CDH12: variants seen among roughly 807,000 people sequenced by gnomAD.
CDH12 encodes the protein cadherin 12, also known as cadherin-12.
A neutral mutation model predicts 74.1 loss-of-function variants in CDH12; 41 were observed. The ratio of observed to expected loss-of-function variants is 0.55; its 90% CI spans 0.43 to 0.72. The LOEUF (loss-of-function observed/expected upper bound fraction) is 0.72, where lower values mean the gene tolerates loss of function less well. CDH12 is among the 30% of genes least tolerant of loss of function. The pLI is 0.00. For missense variants in CDH12, 945 were observed against 977.2 expected, an observed-to-expected ratio of 0.97 and a Z score of 0.44; for synonymous variants, 399 against 355.0, an observed-to-expected ratio of 1.12 and a Z score of -1.39.
chr5:22,604,000 A>G (rs558949956), intron 1 of CDH12, among the ~76,000 whole-genome samples: 14 of 152,346 alleles, frequency 9.2e-5, no homozygotes, highest in Non-Finnish European at 2.1e-4. Flanking sequence ...AGTGGGCGAC[A>G]GCCAAGGGAA....
At chr5:22,838,588 G>A (rs1295469240) in intron 1 of CDH12, among the ~76,000 whole-genome samples, 3 of 151,836 alleles carry the variant, frequency 2.0e-5, no homozygotes, top group African/African-American at 4.8e-5. Flanking sequence ...TCCATTAAAG[G>A]CAGGCAAAGG....
At chr5:21,794,893 G>C (rs1220430950) in intron 10 of CDH12, among the ~76,000 whole-genome samples, 1 of 150,952 alleles carries the variant, frequency 6.6e-6, no homozygotes, top group Non-Finnish European at 1.5e-5. Flanking sequence ...ACTCTAATCA[G>C]CTTTTCTCAT....
chr5:22,568,519 G>T (rs1165503685), intron 1 of CDH12, among the ~76,000 whole-genome samples: 2 of 152,104 alleles, frequency 1.3e-5, no homozygotes. Context: ...AAACACATCT[G>T]CACCCAAATT....
intron 10 of CDH12, among the ~76,000 whole-genome samples, chr5:21,784,371 GAGAA>G (rs1561182101): frequency 6.6e-6 from 1 of 151,850 alleles, no homozygotes; most frequent in African/African-American, 2.4e-5. Flanking sequence ...CTTACACATT[GAGAA>G]TAAAAAATGT....
chr5:22,727,010 A>G lies in CDH12; in HGVS notation c.-523+126048T>C, dbSNP rs566798257. On this transcript the variant is annotated intron_variant, in intron 1 of 14. Coordinates refer to ENST00000382254, the MANE Select transcript of CDH12 (RefSeq NM_004061.5). ...AAGGCATTTTTCAGATACTATTTAAACAATTATTACAATCAGATGAAATGA... is the reference window on the plus strand; with the variant it reads ...AAGGCATTTTTCAGATACTATTTAAGCAATTATTACAATCAGATGAAATGA... 7.9e-5 allele frequency among the ~76,000 whole-genome samples: 12 copies of G among 151,944 alleles called. No homozygotes were observed. In the East Asian group the frequency reaches 2.3e-3, roughly 29 times the overall value.
intron 1 of CDH12, among the ~76,000 whole-genome samples, chr5:22,773,741 G>T (rs1212281924): frequency 6.6e-6 from 1 of 151,928 alleles, no homozygotes; most frequent in Non-Finnish European, 1.5e-5. Context: ...TGAAAACTGT[G>T]CACACAACAA....
In CDH12 at chr5:22,607,909, A is replaced by G. The variant is rs1169351947; in HGVS notation, c.-522-102545T>C. ...AATTGGGGTTTGAAAACCTTCACCT[A>G]GATTTCAGTGGATGTATGGGAACAC... On this transcript the variant is annotated intron_variant, in intron 1 of 14. Transcript: ENST00000382254. Among the ~76,000 whole-genome samples, 3 of 152,228 alleles carry G rather than the reference A, an allele frequency of 2.0e-5. No individual in the cohort carries two copies. The East Asian group carries it at 5.8e-4, about 29-fold the overall frequency.
chr5:22,028,631 A>T (rs1450010174), intron 5 of CDH12, among the ~76,000 whole-genome samples: 8 of 152,182 alleles, frequency 5.3e-5, no homozygotes, highest in Non-Finnish European at 8.8e-5. Context: ...GAAATGGAAG[A>T]ACATACCATG....
intron 5 of CDH12, among the ~76,000 whole-genome samples, chr5:22,058,671 GAGAAAAAA>G (rs1740930398): frequency 7.7e-6 from 1 of 129,104 alleles, no homozygotes; most frequent in Non-Finnish European, 1.6e-5. Context: ...GGAAGGAAAG[GAGAAAAAA>G]AGAAAGAAAG....
intron 3 of CDH12, among the ~76,000 whole-genome samples, chr5:22,297,567 A>G (rs1261726391): frequency 6.6e-6 from 1 of 152,226 alleles, no homozygotes; most frequent in East Asian, 1.9e-4. Flanking sequence ...ATGGCAAGAA[A>G]TACTTTCCTT....
chr5:22,097,097 C>T (rs948048664), intron 4 of CDH12, among the ~76,000 whole-genome samples: 1 of 152,202 alleles, frequency 6.6e-6, no homozygotes, highest in Non-Finnish European at 1.5e-5. Context: ...CCAGAACCTC[C>T]TCCCTCAGGA....
intron 1 of CDH12, among the ~76,000 whole-genome samples, chr5:22,515,114 A>C (rs948373797): frequency 9.2e-5 from 14 of 152,294 alleles, no homozygotes; most frequent in Admixed American, 7.8e-4. Flanking sequence ...CATTATATGT[A>C]TCAAGAAATA....
chr5:22,529,799 A>T (rs892433455), intron 1 of CDH12, among the ~76,000 whole-genome samples: 1 of 152,152 alleles, frequency 6.6e-6, no homozygotes, highest in Non-Finnish European at 1.5e-5. Flanking sequence ...GCAATGAGAA[A>T]GAAAATAATT....
chr5:21,810,057 T>G (rs933348083), intron 9 of CDH12, among the ~76,000 whole-genome samples: 1 of 152,084 alleles, frequency 6.6e-6, no homozygotes, highest in South Asian at 2.1e-4. Flanking sequence ...ATACCATTGG[T>G]AGACATCGCA....
intron 6 of CDH12, among the ~76,000 whole-genome samples, chr5:21,891,555 G>A (rs1299569315): frequency 3.5e-5 from 2 of 57,618 alleles, no homozygotes; most frequent in Non-Finnish European, 5.3e-5. Context: ...TCTCTTTCCT[G>A]TGAATACACA....
chr5:22,006,782 G>A (rs1369306493), intron 5 of CDH12, among the ~76,000 whole-genome samples: 6 of 152,016 alleles, frequency 3.9e-5, no homozygotes, highest in Admixed American at 6.6e-5. Context: ...ACATTAGGTC[G>A]CTCTAAGCAT....
chr5:21,848,394 C>T (rs959606653), intron 7 of CDH12, among the ~76,000 whole-genome samples: 1 of 151,932 alleles, frequency 6.6e-6, no homozygotes, highest in Non-Finnish European at 1.5e-5. Context: ...GTACTCAAAA[C>T]GTAACTTCAG....
At chr5:22,172,250 A>T (rs1465868567) in intron 4 of CDH12, 4 of 151,930 alleles carry the variant, frequency 2.6e-5, no homozygotes, top group Non-Finnish European at 5.9e-5. Context: ...TCCAAGGCAA[A>T]CTGACTTAAT....
Position 22,192,298 on chromosome 5 carries a change from A to T in CDH12, c.-187+20200T>A, listed in dbSNP as rs1445064108. 2.0e-5 allele frequency among the ~76,000 whole-genome samples: 3 copies of T among 152,336 alleles called. No individual in the cohort carries two copies. In the East Asian group the frequency reaches 5.8e-4, roughly 29 times the overall value. On this transcript the variant is annotated intron_variant, in intron 4 of 14. Coordinates refer to ENST00000382254, the MANE Select transcript of CDH12 (RefSeq NM_004061.5). Reference sequence around the variant, plus strand: ...GAAGATATACACATAATTAATATGTAGTCTGGGCCTGCAAGGAACTTATAA... The same window carrying T: ...GAAGATATACACATAATTAATATGTTGTCTGGGCCTGCAAGGAACTTATAA...
Sources: gnomAD v4.1 joint callset for allele counts (sites outside exome capture counted in the v4.1 genomes callset) on GRCh38, gnomAD v4.1.1 for gene constraint, MANE v1.5 for transcripts, NCBI Gene and HGNC (gene_info 2026-07-23, HGNC 2026-07-21) for gene names.